BTG3: variants seen among roughly 807,000 people sequenced by gnomAD.
BTG3 encodes protein BTG3.
In BTG3, 4 loss-of-function variants were observed where a neutral mutation model predicts 25.8. That is an observed-to-expected ratio of 0.16 (90% CI 0.08 to 0.36). The LOEUF is 0.36. Ranked by LOEUF, BTG3 falls within the 10% of genes least tolerant of loss-of-function variation. The pLI, the probability that BTG3 is intolerant of heterozygous loss-of-function variation, is 1.00. For missense variants in BTG3, 201 were observed against 304.9 expected, an observed-to-expected ratio of 0.66 and a Z score of 2.54; for synonymous variants, 107 against 99.9, an observed-to-expected ratio of 1.07 and a Z score of -0.42.
intron 2 of BTG3, among the ~76,000 whole-genome samples, chr21:17,608,028 CAG>C (rs2123474919): frequency 6.6e-6 from 1 of 152,278 alleles, no homozygotes; most frequent in Non-Finnish European, 1.5e-5. Flanking sequence ...CTGTGGTGTG[CAG>C]AAAGCCCATG....
At chr21:17,601,144 C>A (rs2061569093) in intron 3 of BTG3, among the ~76,000 whole-genome samples, 1 of 149,660 alleles carries the variant, frequency 6.7e-6, no homozygotes, top group East Asian at 2.0e-4. Context: ...GCCTGGGCGA[C>A]AGAGTGAGAC....
At chr21:17,604,815 G>C (rs772430904) in intron 3 of BTG3, 45 bp downstream of exon 3, 1 of 1,585,302 alleles carries the variant, frequency 6.3e-7, no homozygotes, top group African/African-American at 1.4e-5. Flanking sequence ...CATAAAATTA[G>C]TTCCAGCATG....
intron 3 of BTG3, among the ~76,000 whole-genome samples, chr21:17,601,402 T>C (rs1017376160): frequency 6.6e-6 from 1 of 152,136 alleles, no homozygotes; most frequent in African/African-American, 2.4e-5. Flanking sequence ...CTTACATCTA[T>C]AATTCTAGTA....
chr21:17,610,164 G>T (rs1043703753), intron 1 of BTG3, among the ~76,000 whole-genome samples: 3 of 152,214 alleles, frequency 2.0e-5, no homozygotes, highest in African/African-American at 4.8e-5. Context: ...GGCCTACGGG[G>T]AAGTGGGAAA....
intron 3 of BTG3, 73 bp downstream of exon 3, chr21:17,604,787 C>G: frequency 6.7e-7 from 1 of 1,497,378 alleles, no homozygotes; most frequent in Non-Finnish European, 9.0e-7. Context: ...CACAGGCAGG[C>G]CGTACATGAC....
intron 3 of BTG3, among the ~76,000 whole-genome samples, chr21:17,602,016 G>A (rs2061580524): frequency 1.3e-5 from 2 of 152,122 alleles, no homozygotes; most frequent in African/African-American, 4.8e-5. Context: ...TATCTTAGGA[G>A]AATTAGTAGA....
intron 4 of BTG3, among the ~76,000 whole-genome samples, chr21:17,597,165 A>C (rs919665236): frequency 3.9e-5 from 6 of 152,102 alleles, no homozygotes; most frequent in African/African-American, 1.2e-4. Flanking sequence ...TTATCCTAAT[A>C]GTCTTTCAAC....
chr21:17,606,289 A>T (rs1212254089), intron 2 of BTG3, among the ~76,000 whole-genome samples: 2 of 152,148 alleles, frequency 1.3e-5, no homozygotes, highest in African/African-American at 4.8e-5. Context: ...TGATGGATCT[A>T]GGGTTCAAAT....
In BTG3 at chr21:17,598,656, T is replaced by A. The variant is rs200952467; in HGVS notation, c.480A>T (p.Lys160Asn). 1.9e-6 allele frequency: 3 copies of A among 1,614,002 alleles called. No homozygotes were observed. Residue 160 changes from lysine to asparagine, a missense_variant, in exon 4 of 5, where the codon AAA (lysine) becomes AAT (asparagine). Physicochemically the swap from Lys to Asn is moderately conservative, Grantham distance 94. This residue lies in a region of BTG3 where 131 missense variants were observed against 129.3 expected (regional missense o/e 1.01). Transcript: ENST00000348354. ...DEETSKEMEV[K>N]PSSVTAAASP... ...TTGCGGCTGCAGTCACCGAACTGGG[T>A]TTCACTTCCATTTCCTTACTTGTTT...
At position 17,609,006 on chromosome 21, in the gene BTG3, A is replaced by G; in HGVS notation, c.139T>C (p.Tyr47His). ...TGTCCTTTCGATGGTTTTTCTGGATACCAGTGATTTTTATATTTTTCTTGA... is the reference window on the plus strand; with the variant it reads ...TGTCCTTTCGATGGTTTTTCTGGATGCCAGTGATTTTTATATTTTTCTTGA... ...ILQEKYKNHW[Y>H]PEKPSKGQAY... The change falls in exon 2 of 5, where the codon TAT (tyrosine) becomes CAT (histidine). Residue 47 changes from tyrosine to histidine, a missense_variant. Transcript: ENST00000348354. The G allele has an allele frequency of 2.5e-6, 4 of 1,613,586 alleles. No homozygotes were observed. The highest frequency in any genetic ancestry group is 3.4e-6 in the Non-Finnish European group (4 of 1,179,896).
chr21:17,598,209 TA>T (rs2061528419), intron 4 of BTG3, among the ~76,000 whole-genome samples: 2 of 152,154 alleles, frequency 1.3e-5, no homozygotes, highest in Non-Finnish European at 2.9e-5. Flanking sequence ...TTAATTATAA[TA>T]TAATAAATTT....
intron 3 of BTG3, among the ~76,000 whole-genome samples, chr21:17,599,664 G>A (rs568001659): frequency 6.6e-6 from 1 of 152,156 alleles, no homozygotes; most frequent in Non-Finnish European, 1.5e-5. Context: ...ATTTTTAGTA[G>A]AGATGAGGTT....
chr21:17,612,749 G>GT lies in BTG3; in HGVS notation c.-60dup, dbSNP rs1403300695. 6.6e-6 allele frequency: 1 copy of GT among 152,512 alleles called. No individual in the cohort carries two copies. 9.4% of individuals were successfully genotyped at this position (152,512 alleles called of 1,614,324 possible). A position where few individuals can be genotyped will look rare whatever the true frequency, so the allele number is the denominator to read the frequency against. ...CCGGAGATTCGGCGGCCCAGACCGT[G>GT]TCCTGGCCGGGAACTGAGGGCTCCG... On this transcript the variant is annotated 5_prime_UTR_variant, in exon 1 of 5. Coordinates refer to ENST00000348354, the MANE Select transcript of BTG3 (RefSeq NM_006806.5).
intron 1 of BTG3, among the ~76,000 whole-genome samples, chr21:17,609,706 CT>C (rs1168742351): frequency 6.6e-6 from 1 of 152,146 alleles, no homozygotes; most frequent in Non-Finnish European, 1.5e-5. Flanking sequence ...ACACCAAAAC[CT>C]TGTACAGAAA....
chr21:17,604,783 C>T, intron 3 of BTG3, 77 bp downstream of exon 3: 1 of 1,476,760 alleles, frequency 6.8e-7, no homozygotes, highest in Non-Finnish European at 9.1e-7. Flanking sequence ...GATACACAGG[C>T]AGGCCGTACA....
At chr21:17,595,368 G>C (rs941415359) in intron 4 of BTG3, among the ~76,000 whole-genome samples, 1 of 151,636 alleles carries the variant, frequency 6.6e-6, no homozygotes, top group African/African-American at 2.4e-5. Flanking sequence ...AAGTACAAAA[G>C]GGTAAACTGT....
At chr21:17,604,786 G>A (rs187236907) in intron 3 of BTG3, 74 bp downstream of exon 3, 19 of 1,493,866 alleles carry the variant, frequency 1.3e-5, no homozygotes, top group Non-Finnish European at 1.5e-5. Context: ...ACACAGGCAG[G>A]CCGTACATGA....
At chr21:17,599,500 G>A (rs1276860076) in intron 3 of BTG3, among the ~76,000 whole-genome samples, 4 of 117,150 alleles carry the variant, frequency 3.4e-5, no homozygotes, top group Admixed American at 9.0e-5. Flanking sequence ...TTTTTGAGAC[G>A]GAGTCTCACT....
intron 3 of BTG3, among the ~76,000 whole-genome samples, chr21:17,601,244 T>C (rs1361818971): frequency 6.6e-6 from 1 of 152,204 alleles, no homozygotes; most frequent in African/African-American, 2.4e-5. Context: ...CTGACTAGCT[T>C]GGTCACCAGA....
Sources: gnomAD v4.1 joint callset for allele counts (sites outside exome capture counted in the v4.1 genomes callset) on GRCh38, gnomAD v4.1.1 for gene constraint, gnomAD v4.1.1 regional missense constraint, MANE v1.5 for transcripts, NCBI Gene and HGNC (gene_info 2026-07-23, HGNC 2026-07-21) for gene names.